NCAM1: variants seen among roughly 807,000 people sequenced by gnomAD.
The protein encoded by NCAM1 is antigen recognized by monoclonal antibody 5.1H11.
A neutral mutation model predicts 109.8 loss-of-function variants in NCAM1; 14 were observed. The observed-to-expected ratio is 0.13, with a 90% CI of 0.08 to 0.20. NCAM1 has a LOEUF of 0.20. NCAM1 is among the 10% of genes least tolerant of loss of function. The probability of loss-of-function intolerance (pLI) is 1.00; values close to 1 mark genes in which losing one functional copy is unlikely to be tolerated. For synonymous variants in NCAM1, 418 were observed against 442.9 expected, an observed-to-expected ratio of 0.94 and a Z score of 0.70; for missense variants, 774 against 1,109.9, an observed-to-expected ratio of 0.70 and a Z score of 4.30.
chr11:113,014,763 A>C lies in NCAM1; in HGVS notation c.52+53099A>C, dbSNP rs1163442180. Among the ~76,000 whole-genome samples the C allele has an allele frequency of 3.9e-5, 6 of 152,338 alleles. No homozygotes were observed. In the East Asian group the frequency reaches 1.2e-3, roughly 29 times the overall value. On this transcript the variant is annotated intron_variant, in intron 1 of 19. Transcript: ENST00000316851. ...GGTCGTCTTGGTTGTAAGGACAGAAATACATTCAGGCTAGCACACAGCTGA... is the reference window on the plus strand; with the variant it reads ...GGTCGTCTTGGTTGTAAGGACAGAACTACATTCAGGCTAGCACACAGCTGA...
chr11:113,077,685 G>C (rs1382269027), intron 1 of NCAM1, among the ~76,000 whole-genome samples: 2 of 91,612 alleles, frequency 2.2e-5, no homozygotes, highest in East Asian at 6.4e-4. Flanking sequence ...TGTTAAGGAA[G>C]TACTTTTTTT....
intron 1 of NCAM1, among the ~76,000 whole-genome samples, chr11:113,105,106 T>A (rs1940094745): frequency 6.6e-6 from 1 of 152,214 alleles, no homozygotes; most frequent in South Asian, 2.1e-4. Flanking sequence ...TCTTTGCACT[T>A]CATGTTGGAG....
intron 1 of NCAM1, among the ~76,000 whole-genome samples, chr11:113,100,429 C>T (rs1939821382): frequency 6.6e-6 from 1 of 152,164 alleles, no homozygotes; most frequent in South Asian, 2.1e-4. Flanking sequence ...CAGCCTTTTA[C>T]ACCTTGCCCT....
At chr11:113,263,624 C>T (rs1946067475) in intron 17 of NCAM1, 1 of 985,424 alleles carries the variant, frequency 1.0e-6, no homozygotes, top group South Asian at 4.7e-5. Flanking sequence ...GGGGCCAAGC[C>T]ATGATGTGCC....
intron 1 of NCAM1, among the ~76,000 whole-genome samples, chr11:113,108,394 G>T (rs1330322036): frequency 2.0e-5 from 3 of 152,170 alleles, no homozygotes; most frequent in Non-Finnish European, 4.4e-5. Flanking sequence ...TGCCAAATTA[G>T]AATGAATATT....
rs115935416 is a variant in NCAM1 at position 113,247,457 on chromosome 11, G to A, written c.1828+1087G>A. On this transcript the variant is annotated intron_variant, in intron 15 of 19. Coordinates refer to ENST00000316851, the MANE Select transcript of NCAM1 (RefSeq NM_181351.5). ...AGACAAACCGTCAACAGCTGGTCTCGCATGTCCTTTGTTCCCGGTCTGCTC... is the reference window on the plus strand; with the variant it reads ...AGACAAACCGTCAACAGCTGGTCTCACATGTCCTTTGTTCCCGGTCTGCTC... Among the ~76,000 whole-genome samples the A allele has an allele frequency of 8.4e-3, 1,281 of 152,192 alleles. 10 individuals are homozygous for A. The highest frequency in any genetic ancestry group is 0.029 in the African/African-American group (1,191 of 41,516).
At chr11:113,165,067 C>T (rs1942741813) in intron 1 of NCAM1, among the ~76,000 whole-genome samples, 1 of 152,114 alleles carries the variant, frequency 6.6e-6, no homozygotes, top group Non-Finnish European at 1.5e-5. Context: ...TCACAGGGAC[C>T]CACTGTCTGC....
chr11:113,190,212 G>A (rs575478637), intron 1 of NCAM1, among the ~76,000 whole-genome samples: 6 of 152,310 alleles, frequency 3.9e-5, no homozygotes, highest in African/African-American at 1.4e-4. Flanking sequence ...GTAGAAGTAC[G>A]AAGAATGAAG....
chr11:113,016,514 A>C (rs1952208483), intron 1 of NCAM1, among the ~76,000 whole-genome samples: 1 of 152,230 alleles, frequency 6.6e-6, no homozygotes, highest in Non-Finnish European at 1.5e-5. Flanking sequence ...ATAGTGGCTT[A>C]AGACAGGAAT....
chr11:113,073,505 AC>A (rs1180287808), intron 1 of NCAM1, among the ~76,000 whole-genome samples: 1 of 152,210 alleles, frequency 6.6e-6, no homozygotes, highest in Non-Finnish European at 1.5e-5. Context: ...CAGCTGCCCC[AC>A]CTTCTGGTGT....
At chr11:113,231,369 C>T in intron 9 of NCAM1, 2 of 1,387,306 alleles carry the variant, frequency 1.4e-6, no homozygotes, top group South Asian at 1.3e-5. Context: ...GGGACCTAGC[C>T]CCAAACCAAT....
chr11:113,115,026 G>A (rs1307871553), intron 1 of NCAM1, among the ~76,000 whole-genome samples: 2 of 152,142 alleles, frequency 1.3e-5, no homozygotes, highest in East Asian at 3.8e-4. Context: ...ATAAATCTTA[G>A]GTTATTTTTC....
chr11:113,177,004 T>C (rs797037138), intron 1 of NCAM1, among the ~76,000 whole-genome samples: 3 of 152,310 alleles, frequency 2.0e-5, no homozygotes, highest in African/African-American at 7.2e-5. Flanking sequence ...CTTTGCAAGG[T>C]TGCAATTTAT....
At chr11:113,209,389 T>G (rs1381147357) in intron 7 of NCAM1, among the ~76,000 whole-genome samples, 1 of 152,248 alleles carries the variant, frequency 6.6e-6, no homozygotes, top group Non-Finnish European at 1.5e-5. Context: ...GAGAGAAAGC[T>G]AAACTTCATG....
chr11:113,000,457 A>G (rs1231288407), intron 1 of NCAM1, among the ~76,000 whole-genome samples: 2 of 152,196 alleles, frequency 1.3e-5, no homozygotes, highest in Non-Finnish European at 2.9e-5. Flanking sequence ...TGTTGGAAGT[A>G]TTATTAGTAT....
Position 113,273,164 on chromosome 11 carries a change from C to A in NCAM1, c.2456+1288C>A, listed in dbSNP as rs1253785029. ...CCAAGGGGCCCAGCGCCTCTGCCCCCTCCCCGGCCCCAGCTTCAGCCCCCA... is the reference window on the plus strand; with the variant it reads ...CCAAGGGGCCCAGCGCCTCTGCCCCATCCCCGGCCCCAGCTTCAGCCCCCA... On this transcript the variant is annotated intron_variant, in intron 19 of 19. Coordinates refer to ENST00000316851, the MANE Select transcript of NCAM1 (RefSeq NM_181351.5). The surrounding 1 kb of genome is among the most constrained non-coding windows in gnomAD (Gnocchi z 6.0). 1 of 412,208 alleles carries A rather than the reference C, an allele frequency of 2.4e-6. No homozygotes were observed. Among genetic ancestry groups the A allele is most frequent in the South Asian group, 1.8e-5 (1 of 56,956 alleles). The allele number at this position is 412,208 out of a possible 1,614,324, so 25.5% of individuals were successfully genotyped here. A position where few individuals can be genotyped will look rare whatever the true frequency, so the allele number is the denominator to read the frequency against.
At chr11:113,224,432 A>G (rs782353872) in intron 9 of NCAM1, among the ~76,000 whole-genome samples, 10 of 152,246 alleles carry the variant, frequency 6.6e-5, no homozygotes, top group Non-Finnish European at 1.5e-4. Flanking sequence ...CAAAGCAGCC[A>G]GGAAGCTCGA....
At chr11:113,206,251 C>T (rs1944234858) in intron 5 of NCAM1, 71 bp downstream of exon 5, 1 of 1,492,490 alleles carries the variant, frequency 6.7e-7, no homozygotes, top group Admixed American at 2.2e-5. Context: ...TTCTCTTTAA[C>T]TTCCTCTTGG....
intron 1 of NCAM1, among the ~76,000 whole-genome samples, chr11:112,986,582 A>G (rs1951311978): frequency 6.6e-6 from 1 of 151,940 alleles, no homozygotes; most frequent in African/African-American, 2.4e-5. Flanking sequence ...CTGATTTAAT[A>G]TCTTTACTTG....
Sources: allele counts gnomAD v4.1 joint callset (sites outside exome capture counted in the v4.1 genomes callset), GRCh38; gene constraint gnomAD v4.1.1; non-coding constraint Gnocchi (gnomAD v3.1); transcripts MANE v1.5; gene names NCBI Gene and HGNC (gene_info 2026-07-23, HGNC 2026-07-21).